Variants in GALNT17 observed in about 807,000 individuals in gnomAD.
The protein encoded by GALNT17 is UDP-GalNAc:polypeptide N-acetylgalactosaminyltransferase-like 3.
A neutral mutation model predicts 63.7 loss-of-function variants in GALNT17; 29 were observed. That is an observed-to-expected ratio of 0.46 (90% CI 0.34 to 0.62). The LOEUF (loss-of-function observed/expected upper bound fraction) is 0.62, where lower values mean the gene tolerates loss of function less well. GALNT17 is among the 20% of genes least tolerant of loss of function. The pLI is 0.01. For missense variants in GALNT17, 603 were observed against 799.6 expected, an observed-to-expected ratio of 0.75 and a Z score of 2.97; for synonymous variants, 305 against 318.3, an observed-to-expected ratio of 0.96 and a Z score of 0.45.
At chr7:71,417,916 C>A (rs1472322155) in intron 4 of GALNT17, among the ~76,000 whole-genome samples, 1 of 152,186 alleles carries the variant, frequency 6.6e-6, no homozygotes, top group African/African-American at 2.4e-5. Flanking sequence ...CTCCCTCTTT[C>A]TCTCTATCTT....
chr7:71,148,908 A>ACCATACAC (rs1788081460), intron 1 of GALNT17, among the ~76,000 whole-genome samples: 1 of 140,074 alleles, frequency 7.1e-6, no homozygotes, highest in Non-Finnish European at 1.5e-5. Context: ...ACCATAGTTA[A>ACCATACAC]CCATACACAA....
At chr7:71,504,282 ACT>A (rs1474591356) in intron 5 of GALNT17, among the ~76,000 whole-genome samples, 2 of 149,808 alleles carry the variant, frequency 1.3e-5, no homozygotes, top group Non-Finnish European at 3.0e-5. Context: ...AATCCCAGCT[ACT>A]CTCGGGAGGC....
At chr7:71,346,797 C>T (rs1792104652) in intron 2 of GALNT17, among the ~76,000 whole-genome samples, 1 of 152,018 alleles carries the variant, frequency 6.6e-6, no homozygotes. Flanking sequence ...CTTTAGTTTT[C>T]CTCTCTTGGT....
intron 2 of GALNT17, among the ~76,000 whole-genome samples, chr7:71,362,925 G>C (rs1317502814): frequency 6.6e-6 from 1 of 151,906 alleles, no homozygotes; most frequent in African/African-American, 2.4e-5. Context: ...CAGGACCCCT[G>C]AACATGTTGC....
intron 2 of GALNT17, among the ~76,000 whole-genome samples, chr7:71,374,803 G>C (rs79591970): frequency 0.029 from 4,309 of 150,660 alleles, 105 homozygotes; most frequent in East Asian, 0.11. Context: ...GGATCTGACT[G>C]AAAGGTGCAT....
At chr7:71,164,618 C>T (rs568671373) in intron 1 of GALNT17, among the ~76,000 whole-genome samples, 1 of 152,292 alleles carries the variant, frequency 6.6e-6, no homozygotes, top group Admixed American at 6.5e-5. Flanking sequence ...ACATGTGGTT[C>T]TGTCTTCAAC....
intron 1 of GALNT17, among the ~76,000 whole-genome samples, chr7:71,318,995 CTGACCAGGGT>C (rs1178187472): frequency 6.6e-6 from 1 of 152,140 alleles, no homozygotes. Flanking sequence ...CTGACCAGGG[CTGACCAGGGT>C]GAAGTAGGCC....
chr7:71,227,855 A>G (rs927055640), intron 1 of GALNT17, among the ~76,000 whole-genome samples: 1 of 152,064 alleles, frequency 6.6e-6, no homozygotes, highest in Non-Finnish European at 1.5e-5. Flanking sequence ...GTTCCAGCTC[A>G]CGGGTTGAGG....
intron 1 of GALNT17, among the ~76,000 whole-genome samples, chr7:71,331,051 C>T (rs543196634): frequency 2.1e-4 from 32 of 152,276 alleles, no homozygotes; most frequent in African/African-American, 7.0e-4. Context: ...TGGACTCTGA[C>T]GCCATCTGGA....
chr7:71,569,179 C>T (rs1278461555), intron 5 of GALNT17, among the ~76,000 whole-genome samples: 1 of 152,122 alleles, frequency 6.6e-6, no homozygotes, highest in African/African-American at 2.4e-5. Flanking sequence ...ACCATGTTGG[C>T]CAGGATGGTC....
intron 1 of GALNT17, among the ~76,000 whole-genome samples, chr7:71,144,922 G>A (rs937211135): frequency 2.0e-5 from 3 of 152,124 alleles, no homozygotes; most frequent in Admixed American, 6.6e-5. Flanking sequence ...TAGAGATGGG[G>A]TTTCACCATG....
intron 2 of GALNT17, among the ~76,000 whole-genome samples, chr7:71,343,585 A>G (rs1192952780): frequency 1.3e-5 from 2 of 152,134 alleles, no homozygotes; most frequent in African/African-American, 4.8e-5. Context: ...CCAAGCTGTC[A>G]GTCTTTCCAT....
intron 6 of GALNT17, among the ~76,000 whole-genome samples, chr7:71,613,032 A>T (rs1790148132): frequency 6.6e-6 from 1 of 152,084 alleles, no homozygotes; most frequent in East Asian, 1.9e-4. Context: ...ACTCCAGTAG[A>T]CGTTTCTGAT....
At chr7:71,264,308 T>C (rs909653197) in intron 1 of GALNT17, among the ~76,000 whole-genome samples, 3 of 152,190 alleles carry the variant, frequency 2.0e-5, no homozygotes, top group Non-Finnish European at 1.5e-5. Flanking sequence ...CTTCGGTTCA[T>C]TCTCCCTGTG....
intron 9 of GALNT17, among the ~76,000 whole-genome samples, chr7:71,705,269 A>G (rs1791707405): frequency 1.3e-5 from 2 of 152,214 alleles, no homozygotes; most frequent in South Asian, 4.1e-4. Flanking sequence ...AAGATGCTCA[A>G]CATCTTTAGT....
intron 2 of GALNT17, among the ~76,000 whole-genome samples, chr7:71,377,097 A>T (rs185226299): frequency 0.012 from 799 of 65,270 alleles, 119 homozygotes; most frequent in East Asian, 0.075. Flanking sequence ...AAAAAAAAAA[A>T]AAATAAAAAT....
chr7:71,455,124 A>T lies in GALNT17; in HGVS notation c.962+34019A>T, dbSNP rs578177630. Among the ~76,000 whole-genome samples, 6 of 152,074 alleles carry T rather than the reference A, an allele frequency of 3.9e-5. No homozygotes were observed. The East Asian group carries it at 1.2e-3, about 30-fold the overall frequency. On this transcript the variant is annotated intron_variant, in intron 5 of 10. Coordinates refer to ENST00000333538, the MANE Select transcript of GALNT17 (RefSeq NM_022479.3). ...TCAAGGCTACAGTGAGCCATGACAC[A>T]TCACTGCACTCCAGCCTGGGCAGCA...
chr7:71,482,012 T>A (rs941715335), intron 5 of GALNT17, among the ~76,000 whole-genome samples: 2 of 151,584 alleles, frequency 1.3e-5, no homozygotes, highest in African/African-American at 4.8e-5. Flanking sequence ...TTGCATGAGG[T>A]CAAATCCTTG....
At chr7:71,325,299 T>C (rs572316144) in intron 1 of GALNT17, among the ~76,000 whole-genome samples, 3 of 152,272 alleles carry the variant, frequency 2.0e-5, no homozygotes, top group South Asian at 4.1e-4. Context: ...GGCTCTGGCC[T>C]CTCTGCAGAA....
Sources: gnomAD v4.1 joint callset for allele counts (sites outside exome capture counted in the v4.1 genomes callset) on GRCh38, gnomAD v4.1.1 for gene constraint, MANE v1.5 for transcripts, NCBI Gene and HGNC (gene_info 2026-07-23, HGNC 2026-07-21) for gene names.